ERBB4: variants seen among roughly 807,000 people sequenced by gnomAD.
ERBB4 encodes the protein erb-b2 receptor tyrosine kinase 4.
In ERBB4, 42 loss-of-function variants were observed where a neutral mutation model predicts 158.0. The ratio of observed to expected loss-of-function variants is 0.27; its 90% CI spans 0.21 to 0.34. ERBB4 has a LOEUF of 0.34. ERBB4 is among the 10% of genes least tolerant of loss of function. The pLI is 1.00. For missense variants in ERBB4, 1,333 were observed against 1,624.1 expected (o/e 0.82, Z 3.08); for synonymous variants, 583 against 558.7 (o/e 1.04, Z -0.61).
At chr2:211,725,023 A>G (rs202231133) in intron 6 of ERBB4, 53 bp downstream of exon 6, 48 of 1,288,086 alleles carry the variant, frequency 3.7e-5, no homozygotes, top group Non-Finnish European at 5.0e-5. Flanking sequence ...GCCTGAATCA[A>G]ATAGGGAAGG....
intron 3 of ERBB4, among the ~76,000 whole-genome samples, chr2:211,849,059 T>TA (rs930806455): frequency 6.6e-6 from 1 of 152,070 alleles, no homozygotes; most frequent in Non-Finnish European, 1.5e-5. Context: ...TGCTAATTCT[T>TA]AGACTGTGGA....
intron 16 of ERBB4, among the ~76,000 whole-genome samples, chr2:211,656,257 C>T (rs1175536189): frequency 1.3e-5 from 2 of 152,166 alleles, no homozygotes; most frequent in East Asian, 3.9e-4. Flanking sequence ...TGGAAATTCA[C>T]TGAGCTTTAC....
At chr2:211,767,528 T>C (rs1298048939) in intron 4 of ERBB4, among the ~76,000 whole-genome samples, 1 of 152,166 alleles carries the variant, frequency 6.6e-6, no homozygotes, top group Admixed American at 6.5e-5. Flanking sequence ...GGGTAATTTA[T>C]AAAGAAAAGA....
intron 2 of ERBB4, among the ~76,000 whole-genome samples, chr2:212,014,591 C>G (rs984304604): frequency 1.2e-4 from 18 of 152,072 alleles, no homozygotes; most frequent in African/African-American, 4.1e-4. Flanking sequence ...ATTATTTGAT[C>G]AAATCTGGGC....
intron 2 of ERBB4, among the ~76,000 whole-genome samples, chr2:212,093,763 T>C (rs2078847348): frequency 6.6e-6 from 1 of 152,208 alleles, no homozygotes; most frequent in South Asian, 2.1e-4. Context: ...ATTATAAATA[T>C]ATAAAGACAT....
chr2:211,416,989 A>G (rs1434869813), intron 25 of ERBB4, among the ~76,000 whole-genome samples: 2 of 152,070 alleles, frequency 1.3e-5, no homozygotes, highest in Non-Finnish European at 2.9e-5. Context: ...TGGAGCATCT[A>G]TTCCAGGTCC....
intron 12 of ERBB4, among the ~76,000 whole-genome samples, chr2:211,695,374 A>G (rs1346777255): frequency 6.6e-6 from 1 of 152,158 alleles, no homozygotes; most frequent in Non-Finnish European, 1.5e-5. Context: ...AAAAATGTGT[A>G]TCCTTTTTGG....
chr2:211,540,205 T>TATATATATATATATATATATATAC (rs60602351), intron 20 of ERBB4, among the ~76,000 whole-genome samples: 1 of 147,766 alleles, frequency 6.8e-6, no homozygotes, highest in Non-Finnish European at 1.5e-5. Context: ...TATATATATA[T>TATATATATATATATATATATATAC]ACACACACAC....
At chr2:212,305,977 A>G (rs1164162011) in intron 1 of ERBB4, among the ~76,000 whole-genome samples, 1 of 151,498 alleles carries the variant, frequency 6.6e-6, no homozygotes, top group Non-Finnish European at 1.5e-5. Context: ...TATCTGTATA[A>G]GTAAATCTGC....
chr2:212,494,992 T>C (rs1690480703), intron 1 of ERBB4, among the ~76,000 whole-genome samples: 1 of 152,102 alleles, frequency 6.6e-6, no homozygotes, highest in African/African-American at 2.4e-5. Flanking sequence ...ACTCCAAAAA[T>C]ACTTATAAAA....
At chr2:212,255,921 A>C (rs979850376) in intron 1 of ERBB4, among the ~76,000 whole-genome samples, 32 of 151,900 alleles carry the variant, frequency 2.1e-4, no homozygotes, top group African/African-American at 7.7e-4. Flanking sequence ...CCTAGGCTCA[A>C]GGGATCCTCC....
At chr2:212,405,672 C>A (rs2091325508) in intron 1 of ERBB4, among the ~76,000 whole-genome samples, 1 of 152,094 alleles carries the variant, frequency 6.6e-6, no homozygotes, top group Admixed American at 6.6e-5. Context: ...ATTAATCATG[C>A]ACATCTGTTT....
chr2:211,632,140 T>C (rs984767754), intron 16 of ERBB4, among the ~76,000 whole-genome samples: 1 of 152,068 alleles, frequency 6.6e-6, no homozygotes, highest in African/African-American at 2.4e-5. Flanking sequence ...TACTATAGTA[T>C]ACTGAAATGT....
At chr2:212,094,672 A>G (rs2078875986) in intron 2 of ERBB4, among the ~76,000 whole-genome samples, 2 of 152,104 alleles carry the variant, frequency 1.3e-5, no homozygotes, top group South Asian at 4.1e-4. Flanking sequence ...CATGATCGAA[A>G]GCTTCCTGAG....
At chr2:212,289,383 TC>T (rs1313944461) in intron 1 of ERBB4, among the ~76,000 whole-genome samples, 1 of 152,192 alleles carries the variant, frequency 6.6e-6, no homozygotes, top group Non-Finnish European at 1.5e-5. Flanking sequence ...GAAGTTACAT[TC>T]AGCAGATTAG....
chr2:212,440,857 G>A (rs574708745), intron 1 of ERBB4, among the ~76,000 whole-genome samples: 1 of 152,180 alleles, frequency 6.6e-6, no homozygotes, highest in Non-Finnish European at 1.5e-5. Flanking sequence ...CTGGTTGCTT[G>A]CTCCTAAGTT....
intron 19 of ERBB4, among the ~76,000 whole-genome samples, chr2:211,602,951 C>T (rs958505195): frequency 7.9e-5 from 12 of 151,984 alleles, no homozygotes; most frequent in African/African-American, 2.7e-4. Flanking sequence ...TTCTCTGTCC[C>T]GGCTCAGTGG....
intron 1 of ERBB4, among the ~76,000 whole-genome samples, chr2:212,395,612 CTCT>C: frequency 7.1e-6 from 1 of 139,908 alleles, no homozygotes; most frequent in East Asian, 2.0e-4. Context: ...AACAGTTACA[CTCT>C]TTTTTTTTTT....
chr2:212,163,970 T>C (rs2081276413), intron 1 of ERBB4, among the ~76,000 whole-genome samples: 1 of 151,994 alleles, frequency 6.6e-6, no homozygotes, highest in Non-Finnish European at 1.5e-5. Context: ...TTTTAAATTA[T>C]TTTTATTTTT....
Sources: gnomAD v4.1 joint callset for allele counts (sites outside exome capture counted in the v4.1 genomes callset) on GRCh38, gnomAD v4.1.1 for gene constraint, MANE v1.5 for transcripts, NCBI Gene and HGNC (gene_info 2026-07-23, HGNC 2026-07-21) for gene names.